Variants in LVRN observed in about 807,000 individuals in gnomAD.
LVRN encodes the protein laeverin.
In LVRN, 99 loss-of-function variants were observed where a neutral mutation model predicts 111.4. The observed-to-expected ratio is 0.89, with a 90% CI of 0.76 to 1.05. The LOEUF is 1.05. Among genes scored for constraint, LVRN ranks in the 50% least tolerant of loss-of-function variants. LVRN has a pLI of 0.00. For synonymous variants in LVRN, 488 were observed against 449.5 expected (o/e 1.09, Z -1.08); for missense variants, 1,414 against 1,206.8 (o/e 1.17, Z -2.54).
chr5:116,012,352 GT>G (rs780960729), intron 14 of LVRN, 21 bp from the exon 15 acceptor site: 27 of 1,275,404 alleles, frequency 2.1e-5, no homozygotes, highest in Non-Finnish European at 3.0e-5. Context: ...AACTAACAGT[GT>G]ATTTTCTTTA....
rs757221581 is a variant in LVRN at position 115,962,645 on chromosome 5, T to A, written c.28T>A (p.Tyr10Asn). The change falls in exon 1 of 20, where the codon TAT becomes AAT. Residue 10 changes from tyrosine (Y) to asparagine (N), a missense_variant. Physicochemically the swap from Tyr to Asn is moderately radical, Grantham distance 143. Coordinates refer to ENST00000357872, the MANE Select transcript of LVRN (RefSeq NM_173800.5). Reference protein sequence around the residue: MGPPSSSGFYVSRAVALLLA... With the variant: MGPPSSSGFNVSRAVALLLA... Reference sequence around the variant, plus strand: ...GGGGCCCCCTTCCAGCTCAGGCTTCTATGTGAGCCGCGCAGTGGCCCTGCT... The same window carrying A: ...GGGGCCCCCTTCCAGCTCAGGCTTCAATGTGAGCCGCGCAGTGGCCCTGCT... 1.2e-6 allele frequency: 2 copies of A among 1,606,184 alleles called. No individual in the cohort carries two copies. The highest frequency in any genetic ancestry group is 8.5e-7 in the Non-Finnish European group (1 of 1,178,054).
intron 1 of LVRN, among the ~76,000 whole-genome samples, chr5:115,969,503 T>C (rs941094103): frequency 3.3e-5 from 5 of 152,256 alleles, no homozygotes; most frequent in Non-Finnish European, 5.9e-5. Context: ...TCATTTAAGA[T>C]ATTGTAATTT....
At chr5:115,986,523 C>T (rs1449487701) in intron 3 of LVRN, among the ~76,000 whole-genome samples, 1 of 152,138 alleles carries the variant, frequency 6.6e-6, no homozygotes, top group East Asian at 1.9e-4. Flanking sequence ...TGTTCTTAGC[C>T]AGCACACTGA....
Position 115,994,330 on chromosome 5 carries a change from T to C in LVRN, c.1374+476T>C, listed in dbSNP as rs1047938335. On this transcript the variant is annotated intron_variant, in intron 6 of 19. Coordinates refer to ENST00000357872, the MANE Select transcript of LVRN (RefSeq NM_173800.5). Reference sequence around the variant, plus strand: ...CTCTGTCACCCAAACTGGAGTGTGGTGGCATGATCTTGACTCAATGCAGTC... The same window carrying C: ...CTCTGTCACCCAAACTGGAGTGTGGCGGCATGATCTTGACTCAATGCAGTC... 1.1e-4 allele frequency among the ~76,000 whole-genome samples: 16 copies of C among 152,118 alleles called. 1 individual carries two copies. The highest frequency in any genetic ancestry group is 2.1e-4 in the Non-Finnish European group (14 of 68,038).
intron 6 of LVRN, among the ~76,000 whole-genome samples, chr5:115,994,918 C>T (rs902553772): frequency 6.6e-6 from 1 of 152,112 alleles, no homozygotes; most frequent in African/African-American, 2.4e-5. Flanking sequence ...GCATCTTCTT[C>T]CCCTCCTCTC....
intron 4 of LVRN, among the ~76,000 whole-genome samples, chr5:115,988,620 C>T (rs903663868): frequency 5.9e-5 from 9 of 152,208 alleles, no homozygotes; most frequent in South Asian, 2.1e-4. Context: ...AAAAAGTATG[C>T]GCTGCCTATA....
rs752634994 is a variant in LVRN, at chr5:115,963,121, C to T, written c.504C>T (p.Asn168=). ...GACCCCTTTCCCCGGGCACTGGGAA[C>T]GCCACAGTGGGCCGCGTGCCCGTGG... The part of the protein sequence containing the change: ...VRGPLSPGTG[N]ATVGRVPVDD... Residue 168 remains asparagine (N), a synonymous_variant, in exon 1 of 20, where the codon AAC becomes AAT. Transcript: ENST00000357872. 6.2e-7 allele frequency: 1 copy of T among 1,613,564 alleles called. No individual in the cohort carries two copies. The highest frequency in any genetic ancestry group is 2.2e-5 in the East Asian group (1 of 44,872).
chr5:116,019,040 A>C (rs1748659431), intron 18 of LVRN, among the ~76,000 whole-genome samples: 2 of 152,168 alleles, frequency 1.3e-5, no homozygotes, highest in South Asian at 4.1e-4. Context: ...TTGGTGATTT[A>C]GTCATTGTGT....
intron 19 of LVRN, 49 bp from the exon 20 acceptor site, chr5:116,025,929 C>T (rs375499058): frequency 8.1e-6 from 13 of 1,601,524 alleles, no homozygotes; most frequent in Admixed American, 1.7e-5. Context: ...TTACTTTGTC[C>T]AAATGGGAAG....
At chr5:115,984,975 T>G (rs1357994534) in intron 3 of LVRN, among the ~76,000 whole-genome samples, 1 of 152,130 alleles carries the variant, frequency 6.6e-6, no homozygotes, top group Non-Finnish European at 1.5e-5. Flanking sequence ...CCCAGTGTGT[T>G]TCTGCTTTTG....
chr5:116,002,184 G>A (rs867604984), intron 10 of LVRN, among the ~76,000 whole-genome samples: 1 of 152,314 alleles, frequency 6.6e-6, no homozygotes, highest in South Asian at 2.1e-4. Context: ...GATAAACACA[G>A]ACCCACAGTT....
At position 116,010,866 on chromosome 5, in the gene LVRN, A is replaced by C; in HGVS notation, c.2219A>C (p.Asn740Thr). 1.2e-6 allele frequency: 2 copies of C among 1,608,604 alleles called. No individual in the cohort carries two copies. The highest frequency in any genetic ancestry group is 1.7e-6 in the Non-Finnish European group (2 of 1,177,234). The change falls in exon 14 of 20, where the codon AAC becomes ACC. Residue 740 changes from asparagine to threonine, a missense_variant. Coordinates refer to ENST00000357872, the MANE Select transcript of LVRN (RefSeq NM_173800.5). ...ACCAGGGATCTTGTTTCTGAGGTGA[A>C]CATCTATGATATATACTCATTATTA... ...LVTRDLVSEV[N>T]IYDIYSLLKR...
At chr5:116,012,604 C>CA in intron 15 of LVRN, 136 bp downstream of exon 15, 1 of 570,690 alleles carries the variant, frequency 1.8e-6, no homozygotes, top group Non-Finnish European at 3.0e-6. Flanking sequence ...AGAACAATAG[C>CA]TCAGAGGTTG....
chr5:115,964,206 TCA>T (rs1466389739), intron 1 of LVRN, among the ~76,000 whole-genome samples: 6 of 152,324 alleles, frequency 3.9e-5, no homozygotes, highest in Non-Finnish European at 7.3e-5. Flanking sequence ...CTTTGTCCAC[TCA>T]CACACTGGTG....
At chr5:116,000,037 G>C (rs949686) in intron 7 of LVRN, 135 bp downstream of exon 7, 60,903 of 985,618 alleles carry the variant, frequency 0.062, 2,827 homozygotes, top group East Asian at 0.21. Context: ...CAATACATAG[G>C]TATCAGAAAA....
At chr5:116,005,873 C>A in intron 12 of LVRN, 39 bp from the exon 13 acceptor site, 1 of 1,543,960 alleles carries the variant, frequency 6.5e-7, no homozygotes, top group Non-Finnish European at 9.0e-7. Flanking sequence ...GAAAAATGTT[C>A]TCATCTTCTT....
At chr5:116,013,673 G>A (rs994075967) in intron 15 of LVRN, among the ~76,000 whole-genome samples, 23 of 152,078 alleles carry the variant, frequency 1.5e-4, no homozygotes, top group Non-Finnish European at 4.4e-5. Flanking sequence ...GTTGAAACTG[G>A]AGGACGGAGT....
chr5:116,000,767 T>A, intron 9 of LVRN, 109 bp downstream of exon 9: 1 of 1,228,888 alleles, frequency 8.1e-7, no homozygotes, highest in Non-Finnish European at 1.2e-6. Context: ...CAGCTTTGTC[T>A]TGTTGTAGAA....
chr5:116,019,497 A>G (rs1463933203), intron 18 of LVRN, among the ~76,000 whole-genome samples: 1 of 152,260 alleles, frequency 6.6e-6, no homozygotes, highest in Non-Finnish European at 1.5e-5. Flanking sequence ...TTAATGTATA[A>G]TGATGCATAT....
Sources: gnomAD v4.1 joint callset for allele counts (sites outside exome capture counted in the v4.1 genomes callset) on GRCh38, gnomAD v4.1.1 for gene constraint, MANE v1.5 for transcripts, NCBI Gene and HGNC (gene_info 2026-07-23, HGNC 2026-07-21) for gene names.